The following SCUBE2 variants were observed in gnomAD, a reference collection of about 807,000 sequenced individuals.
The protein encoded by SCUBE2 is signal peptide, CUB and EGF-like domain-containing protein 2.
Under a neutral mutation model 125.9 loss-of-function variants are expected in SCUBE2, and 114 were observed. The observed-to-expected ratio is 0.91, with a 90% CI of 0.78 to 1.06. The LOEUF is 1.06. Among genes scored for constraint, SCUBE2 ranks in the 50% least tolerant of loss-of-function variants. The pLI is 0.00. For missense variants in SCUBE2, 1,255 were observed against 1,301.8 expected, an observed-to-expected ratio of 0.96 and a Z score of 0.55; for synonymous variants, 459 against 492.9, an observed-to-expected ratio of 0.93 and a Z score of 0.91.
intron 2 of SCUBE2, among the ~76,000 whole-genome samples, chr11:9,083,770 G>A (rs1171179207): frequency 6.6e-6 from 1 of 152,002 alleles, no homozygotes; most frequent in Non-Finnish European, 1.5e-5. Context: ...TTGAACTCCT[G>A]ACCTTGTGAC....
At chr11:9,079,931 A>T (rs894992499) in intron 2 of SCUBE2, among the ~76,000 whole-genome samples, 1 of 152,254 alleles carries the variant, frequency 6.6e-6, no homozygotes, top group African/African-American at 2.4e-5. Context: ...ATTTCAGGAT[A>T]CGTTTTTGTA....
rs148718644 is a variant in SCUBE2, at chr11:9,047,407, G to A, written c.1951C>T (p.Arg651Cys). 770 of 1,614,176 alleles carry A rather than the reference G, an allele frequency of 4.8e-4. 1 individual carries two copies. The highest frequency in any genetic ancestry group is 1.2e-3 in the Middle Eastern group (7 of 6,060). The change falls in exon 16 of 23, where the codon CGC becomes TGC. Residue 651 changes from arginine (R) to cysteine (C), a missense_variant. By Grantham distance (180) the Arg-to-Cys change is radical (BLOSUM62 -3). Coordinates refer to ENST00000649792, the MANE Select transcript of SCUBE2 (RefSeq NM_001367977.2). Reference sequence around the variant, plus strand: ...CCCACTCCACAGGACTCTGCCTGGCGTTCAGATGTTCTGGGAGGCTTTTTA... The same window carrying A: ...CCCACTCCACAGGACTCTGCCTGGCATTCAGATGTTCTGGGAGGCTTTTTA... Reference protein sequence around the residue: ...VAKKPPRTSERQAESCGVGQG... With the variant: ...VAKKPPRTSECQAESCGVGQG...
chr11:9,049,559 A>C (rs10840166), intron 14 of SCUBE2, among the ~76,000 whole-genome samples: 1 of 151,908 alleles, frequency 6.6e-6, no homozygotes, highest in Admixed American at 6.6e-5. Flanking sequence ...ATCTATTTTT[A>C]AGCAATGGCC....
At position 9,065,875 on chromosome 11, in the gene SCUBE2, G is replaced by A; in HGVS notation, c.850+16C>T. On this transcript the variant is annotated intron_variant, in intron 7 of 22. Transcript: ENST00000649792. ...GACAATTGCAGTGGCCAAGGAAAGG[G>A]AGTGAAGGTGCCTACCCATGAGCAG... 6.2e-7 allele frequency: 1 copy of A among 1,608,696 alleles called. No individual in the cohort carries two copies.
chr11:9,077,497 T>C (rs1861296369), intron 3 of SCUBE2, among the ~76,000 whole-genome samples: 1 of 152,206 alleles, frequency 6.6e-6, no homozygotes, highest in African/African-American at 2.4e-5. Context: ...GTACCTTGTG[T>C]CTTCTAGCTA....
At chr11:9,081,095 A>G (rs1256886808) in intron 2 of SCUBE2, among the ~76,000 whole-genome samples, 1 of 152,256 alleles carries the variant, frequency 6.6e-6, no homozygotes, top group Non-Finnish European at 1.5e-5. Context: ...ACAATAACAA[A>G]TGTTGACAAG....
chr11:9,084,317 C>T (rs955579202), intron 2 of SCUBE2, among the ~76,000 whole-genome samples: 4 of 151,908 alleles, frequency 2.6e-5, no homozygotes, highest in South Asian at 2.1e-4. Context: ...TAAGTGGGGA[C>T]GAGGGAGAGA....
Position 9,050,974 on chromosome 11 carries a change from C to T in SCUBE2, c.1535-264G>A, listed in dbSNP as rs371826828. On this transcript the variant is annotated intron_variant, in intron 13 of 22. Coordinates refer to ENST00000649792, the MANE Select transcript of SCUBE2 (RefSeq NM_001367977.2). ...TCAAATAAAACAGAGGCCAGCCTGGCGAACATGGTGAAACCCCATCTCTAC... is the reference window on the plus strand; with the variant it reads ...TCAAATAAAACAGAGGCCAGCCTGGTGAACATGGTGAAACCCCATCTCTAC... Among the ~76,000 whole-genome samples the T allele has an allele frequency of 6.2e-4, 95 of 152,218 alleles. 4 individuals carry two copies. In the South Asian group the frequency reaches 0.019, roughly 31 times the overall value.
At chr11:9,059,975 T>C (rs182941109) in intron 8 of SCUBE2, among the ~76,000 whole-genome samples, 2 of 152,226 alleles carry the variant, frequency 1.3e-5, no homozygotes, top group Non-Finnish European at 2.9e-5. Flanking sequence ...GAGCAAGTCA[T>C]TGGGGTCGCT....
intron 1 of SCUBE2, chr11:9,090,506 A>T (rs1337690346): frequency 1.6e-5 from 2 of 122,622 alleles, no homozygotes; most frequent in Admixed American, 8.5e-5. Context: ...TTTTTTGCTC[A>T]TCAGCTGTCG....
At chr11:9,071,902 C>A (rs1348695382) in intron 4 of SCUBE2, among the ~76,000 whole-genome samples, 1 of 152,076 alleles carries the variant, frequency 6.6e-6, no homozygotes, top group Non-Finnish European at 1.5e-5. Context: ...GCCTGAGCAC[C>A]CATGAATAGG....
At chr11:9,075,684 G>T (rs984567678) in intron 3 of SCUBE2, among the ~76,000 whole-genome samples, 2 of 152,222 alleles carry the variant, frequency 1.3e-5, no homozygotes, top group African/African-American at 4.8e-5. Context: ...AGCAGCTGAG[G>T]GCAGGACAGA....
In SCUBE2 at chr11:9,089,792, A is replaced by G. The variant is rs1862472071; in HGVS notation, c.171T>C (p.His57=). 2 of 1,613,866 alleles carry G rather than the reference A, an allele frequency of 1.2e-6. No homozygotes were observed. The highest frequency in any genetic ancestry group is 8.5e-7 in the Non-Finnish European group (1 of 1,179,922). ...GTGTGTTCTGACACAGGGCGTCGGC[A>G]TGGCAGTCATCTAGCCCTTGGGCAC... The part of the protein sequence containing the change: ...DECAQGLDDC[H]ADALCQNTPT... The change falls in exon 2 of 23, where the codon CAT becomes CAC. Residue 57 remains histidine (H), a synonymous_variant. Coordinates refer to ENST00000649792, the MANE Select transcript of SCUBE2 (RefSeq NM_001367977.2).
intron 6 of SCUBE2, 95 bp from the exon 7 acceptor site, chr11:9,066,075 G>A (rs1038279500): frequency 2.8e-5 from 23 of 819,282 alleles, no homozygotes; most frequent in Non-Finnish European, 4.5e-5. Flanking sequence ...AGACATAAGA[G>A]GAATGAAAGA....
rs60494098 is a variant in SCUBE2, at chr11:9,091,455, A to G, written c.74T>C (p.Leu25Pro). Residue 25 changes from leucine to proline, a missense_variant, in exon 1 of 23, where the codon CTG becomes CCG. By Grantham distance (98) the Leu-to-Pro change is moderately conservative (BLOSUM62 -3). Coordinates refer to ENST00000649792, the MANE Select transcript of SCUBE2 (RefSeq NM_001367977.2). This position sits in a 1 kb window ranked among gnomAD's most constrained non-coding sequence, Gnocchi z 8.5. ...CGGGACGGCCCCCGCCAGCAGCAGC[A>G]GTGGCGGCAGCAGCAGCAGCAGCAG... ...VLLLLLLLPP[L>P]LLLAGAVPPG... The G allele has an allele frequency of 0.18, 232,887 of 1,317,758 alleles. 23,880 individuals are homozygous for G. Among genetic ancestry groups the G allele is most frequent in the East Asian group, 0.43 (12,805 of 29,998 alleles). 81.6% of individuals were successfully genotyped at this position (1,317,758 alleles called of 1,614,324 possible). A position where few individuals can be genotyped will look rare whatever the true frequency, so the allele number is the denominator to read the frequency against.
chr11:9,025,749 T>G lies in SCUBE2; in HGVS notation c.2807A>C (p.Glu936Ala), dbSNP rs1855681696. 1 of 1,614,204 alleles carries G rather than the reference T, an allele frequency of 6.2e-7. No individual in the cohort carries two copies. The highest frequency in any genetic ancestry group is 1.3e-5 in the African/African-American group (1 of 75,044). The change falls in exon 21 of 23, where the codon GAA (glutamate) becomes GCA (alanine). Residue 936 changes from glutamate (E) to alanine (A), a missense_variant. Around this residue, in one of 3 missense-constraint regions of SCUBE2, gnomAD observed 515 missense variants for 515.7 expected, o/e 1.00. Transcript: ENST00000649792. Reference sequence around the variant, plus strand: ...CTGGAACCCTCTAGCGCTGTTCCCTTCATTGGACTTGAACTGAATCCACAG... The same window carrying G: ...CTGGAACCCTCTAGCGCTGTTCCCTGCATTGGACTTGAACTGAATCCACAG... ...KKLWIQFKSNEGNSARGFQVP... is the reference protein window; with the variant it reads ...KKLWIQFKSNAGNSARGFQVP...
intron 19 of SCUBE2, 139 bp downstream of exon 19, chr11:9,029,745 A>G: frequency 1.1e-6 from 1 of 895,554 alleles, no homozygotes. Context: ...GCTGGTCTGC[A>G]TGGCTGTGAG....
rs142907319 is a variant in SCUBE2 at position 9,044,764 on chromosome 11, T to A, written c.2002+2592A>T. Among the ~76,000 whole-genome samples the A allele has an allele frequency of 3.3e-5, 5 of 152,266 alleles. No individual in the cohort carries two copies. In the East Asian group the frequency reaches 7.7e-4, roughly 24 times the overall value. On this transcript the variant is annotated intron_variant, in intron 16 of 22. Coordinates refer to ENST00000649792, the MANE Select transcript of SCUBE2 (RefSeq NM_001367977.2). ...TCTCTCAGCTCTCATCCTTCTGGCC[T>A]TCCTTCCAGTACCTTGGGGTTTTCC...
chr11:9,053,990 C>CTTTTTT (rs11474890), intron 10 of SCUBE2, among the ~76,000 whole-genome samples: 4 of 75,054 alleles, frequency 5.3e-5, no homozygotes, highest in African/African-American at 5.6e-5. Context: ...AAGCTCCACT[C>CTTTTTT]TTTTTTTTTT....
Sources: allele counts gnomAD v4.1 joint callset (sites outside exome capture counted in the v4.1 genomes callset), GRCh38; gene constraint gnomAD v4.1.1; regional missense constraint gnomAD v4.1.1; non-coding constraint Gnocchi (gnomAD v3.1); transcripts MANE v1.5; gene names NCBI Gene and HGNC (gene_info 2026-07-23, HGNC 2026-07-21).